The following HIVEP3 variants were observed in gnomAD, a reference collection of about 807,000 sequenced individuals.
HIVEP3 encodes HIVEP zinc finger 3, also known as transcription factor HIVEP3.
Under a neutral mutation model 152.8 loss-of-function variants are expected in HIVEP3, and 49 were observed. The observed-to-expected ratio is 0.32, with a 90% CI of 0.26 to 0.41. The LOEUF (loss-of-function observed/expected upper bound fraction) is 0.41. Among genes scored for constraint, HIVEP3 ranks in the 10% least tolerant of loss-of-function variants. The pLI, the probability that HIVEP3 is intolerant of heterozygous loss-of-function variation, is 1.00. For missense variants in HIVEP3, 2,790 were observed against 3,103.3 expected, an observed-to-expected ratio of 0.90 and a Z score of 2.40; for synonymous variants, 1,269 against 1,289.0, an observed-to-expected ratio of 0.98 and a Z score of 0.33.
At chr1:41,850,779 T>C (rs1286051520) in intron 1 of HIVEP3, among the ~76,000 whole-genome samples, 2 of 151,870 alleles carry the variant, frequency 1.3e-5, no homozygotes, top group Non-Finnish European at 2.9e-5. Flanking sequence ...ACGTGGAGGG[T>C]TCCTGGGAGA....
At position 41,582,995 on chromosome 1, in the gene HIVEP3, G is replaced by A. The variant is rs777030559; in HGVS notation, c.1803C>T (p.Tyr601=). The A allele has an allele frequency of 8.1e-6, 13 of 1,614,086 alleles. No homozygotes were observed. Among genetic ancestry groups the A allele is most frequent in the Non-Finnish European group, 1.1e-5 (13 of 1,180,026 alleles). Residue 601 remains tyrosine, a synonymous_variant, in exon 4 of 9, where the codon TAC becomes TAT. Coordinates refer to ENST00000372583, the MANE Select transcript of HIVEP3 (RefSeq NM_024503.5). This position sits in a 1 kb window ranked among gnomAD's most constrained non-coding sequence, Gnocchi z 4.7. ...PAIELPLGGE[Y]SSEEPGPSSK... The stretch of plus-strand genomic sequence containing the variant: ...TGCTTGGGCCAGGCTCCTCAGAACT[G>A]TATTCCCCTCCCAAAGGTAATTCGA...
chr1:41,777,673 G>A (rs1460734969), intron 1 of HIVEP3, among the ~76,000 whole-genome samples: 6 of 152,198 alleles, frequency 3.9e-5, no homozygotes, highest in Admixed American at 6.5e-5. Flanking sequence ...GCAGTTCATC[G>A]GTTAGACCTC....
chr1:41,902,620 T>C (rs2124455249), intron 1 of HIVEP3, among the ~76,000 whole-genome samples: 1 of 152,282 alleles, frequency 6.6e-6, no homozygotes, highest in Non-Finnish European at 1.5e-5. Context: ...GGCAAAGCTT[T>C]AGAAACAGAG....
At chr1:41,885,361 T>C (rs1401016802) in intron 1 of HIVEP3, among the ~76,000 whole-genome samples, 7 of 151,562 alleles carry the variant, frequency 4.6e-5, no homozygotes, top group African/African-American at 1.7e-4. Flanking sequence ...GTACTCGAAG[T>C]AGATGGCTAG....
rs114213520 is a variant in HIVEP3 at position 42,026,914 on chromosome 1, A to G, written n.119+8893T>C. Among the ~76,000 whole-genome samples, 520 of 152,296 alleles carry G rather than the reference A, an allele frequency of 3.4e-3. 1 individual carries two copies. The highest frequency in any genetic ancestry group is 0.012 in the African/African-American group (508 of 41,558). ...ACTTTTCCAGTACTTTCCAAGATCT[A>G]CTATCTCTGGGCTCTCTCACCATTT... On this transcript the variant is annotated intron_variant and non_coding_transcript_variant, in intron 1 of 3. Transcript: ENST00000489103.
At chr1:41,799,992 C>T (rs1218808177) in intron 1 of HIVEP3, among the ~76,000 whole-genome samples, 1 of 152,202 alleles carries the variant, frequency 6.6e-6, no homozygotes, top group East Asian at 1.9e-4. Flanking sequence ...CCTTACCCAA[C>T]TCTACTCTGC....
intron 1 of HIVEP3, among the ~76,000 whole-genome samples, chr1:41,793,685 G>C (rs1649824362): frequency 6.6e-6 from 1 of 152,200 alleles, no homozygotes; most frequent in Non-Finnish European, 1.5e-5. Flanking sequence ...TACCAAAGTA[G>C]AAAGATTTCT....
At chr1:41,860,628 G>A (rs758479069) in intron 1 of HIVEP3, among the ~76,000 whole-genome samples, 152 of 152,276 alleles carry the variant, frequency 1.0e-3, no homozygotes, top group Non-Finnish European at 1.5e-3. Flanking sequence ...TGTATCTGAC[G>A]CCCTCCTTTT....
At chr1:41,930,288 C>T (rs1644990020) in intron 1 of HIVEP3, among the ~76,000 whole-genome samples, 1 of 152,140 alleles carries the variant, frequency 6.6e-6, no homozygotes, top group South Asian at 2.1e-4. Context: ...CCCTTGCAGT[C>T]AACTCCAACC....
At chr1:41,595,495 G>A (rs1644652192) in intron 3 of HIVEP3, among the ~76,000 whole-genome samples, 1 of 152,216 alleles carries the variant, frequency 6.6e-6, no homozygotes, top group South Asian at 2.1e-4. Context: ...TAATTCCACA[G>A]AGGAGTCAGC....
intron 1 of HIVEP3, among the ~76,000 whole-genome samples, chr1:41,875,395 C>T (rs1433318544): frequency 6.6e-6 from 1 of 152,262 alleles, no homozygotes; most frequent in Non-Finnish European, 1.5e-5. Context: ...GGCTGCAAAA[C>T]AGCCTTCCAA....
chr1:41,538,951 G>T (rs151028532), intron 5 of HIVEP3, among the ~76,000 whole-genome samples: 1 of 152,140 alleles, frequency 6.6e-6, no homozygotes, highest in Non-Finnish European at 1.5e-5. Flanking sequence ...TGGGGAAGCC[G>T]AGCAGTGGGG....
At chr1:41,883,281 T>C (rs892311627) in intron 1 of HIVEP3, among the ~76,000 whole-genome samples, 1 of 151,982 alleles carries the variant, frequency 6.6e-6, no homozygotes, top group Non-Finnish European at 1.5e-5. Context: ...GTAAATACTA[T>C]CCAGGAAAAG....
chr1:41,876,733 C>A (rs1644176562), intron 1 of HIVEP3, among the ~76,000 whole-genome samples: 1 of 152,322 alleles, frequency 6.6e-6, no homozygotes, highest in Non-Finnish European at 1.5e-5. Context: ...GGAAAACTAT[C>A]CCACTCCAGC....
chr1:41,973,378 T>C (rs1282765997), intron 1 of HIVEP3, among the ~76,000 whole-genome samples: 2 of 152,198 alleles, frequency 1.3e-5, no homozygotes, highest in Non-Finnish European at 2.9e-5. Context: ...GCCGCAGTCA[T>C]CTCAAGATTT....
At chr1:41,994,230 C>A in intron 1 of HIVEP3, among the ~76,000 whole-genome samples, 1 of 147,384 alleles carries the variant, frequency 6.8e-6, no homozygotes, top group African/African-American at 2.5e-5. Context: ...AAATAATTCC[C>A]ACAAATTATT....
intron 1 of HIVEP3, among the ~76,000 whole-genome samples, chr1:42,002,489 G>A (rs11210562): frequency 0.014 from 2,167 of 152,296 alleles, 50 homozygotes; most frequent in African/African-American, 0.05. Flanking sequence ...GAAAGATCAG[G>A]ACTGGCTCTG....
chr1:41,637,887 C>T (rs1558136388), intron 2 of HIVEP3, among the ~76,000 whole-genome samples: 1 of 152,090 alleles, frequency 6.6e-6, no homozygotes, highest in Non-Finnish European at 1.5e-5. Flanking sequence ...TTAATAAGCA[C>T]AGAACTTCAG....
chr1:41,849,794 A>C (rs1044703460), intron 1 of HIVEP3, among the ~76,000 whole-genome samples: 4 of 151,486 alleles, frequency 2.6e-5, no homozygotes, highest in African/African-American at 9.7e-5. Flanking sequence ...GGGTTCAAGC[A>C]ATTCTCCTGC....
Sources: allele counts gnomAD v4.1 joint callset (sites outside exome capture counted in the v4.1 genomes callset), GRCh38; gene constraint gnomAD v4.1.1; non-coding constraint Gnocchi (gnomAD v3.1); transcripts MANE v1.5; gene names NCBI Gene and HGNC (gene_info 2026-07-23, HGNC 2026-07-21).